RIMBP2: variants seen among roughly 807,000 people sequenced by gnomAD.
RIMBP2 encodes RIMS binding protein 2, also known as RIMS-binding protein 2.
Under a neutral mutation model 118.6 loss-of-function variants are expected in RIMBP2, and 48 were observed. That is an observed-to-expected ratio of 0.40 (90% CI 0.32 to 0.51). The LOEUF (loss-of-function observed/expected upper bound fraction) is 0.51. Ranked by LOEUF, RIMBP2 falls within the 20% of genes least tolerant of loss-of-function variation. The probability of loss-of-function intolerance (pLI) is 0.41; values close to 1 mark genes in which losing one functional copy is unlikely to be tolerated. For missense variants in RIMBP2, 1,551 were observed against 1,768.3 expected (o/e 0.88, Z 2.20); for synonymous variants, 762 against 742.9 (o/e 1.03, Z -0.42).
At chr12:130,678,328 G>A (rs939395518) in intron 1 of RIMBP2, among the ~76,000 whole-genome samples, 9 of 152,210 alleles carry the variant, frequency 5.9e-5, no homozygotes, top group South Asian at 4.1e-4. Context: ...CCAGGAGCCC[G>A]AGGCTGACAG....
intron 2 of RIMBP2, among the ~76,000 whole-genome samples, chr12:130,610,251 C>T (rs903229203): frequency 2.0e-5 from 3 of 152,094 alleles, no homozygotes; most frequent in African/African-American, 4.8e-5. Context: ...CTGCTCCTCC[C>T]GGTCCCTCCC....
intron 1 of RIMBP2, among the ~76,000 whole-genome samples, chr12:130,642,062 G>A (rs920155650): frequency 6.6e-6 from 1 of 152,120 alleles, no homozygotes; most frequent in Non-Finnish European, 1.5e-5. Context: ...CCACGTCTCT[G>A]GTGCTAAAGC....
At chr12:130,411,420 G>A (rs1000613027) in intron 19 of RIMBP2, among the ~76,000 whole-genome samples, 5 of 152,130 alleles carry the variant, frequency 3.3e-5, no homozygotes, top group African/African-American at 1.2e-4. Flanking sequence ...CGACATCCTT[G>A]TCTGTGCCTG....
At chr12:130,698,784 T>G (rs1420408625) in intron 1 of RIMBP2, among the ~76,000 whole-genome samples, 1 of 151,896 alleles carries the variant, frequency 6.6e-6, no homozygotes, top group African/African-American at 2.4e-5. Context: ...ACCATCAGAG[T>G]GAACAGGCAA....
At position 130,625,846 on chromosome 12, in the gene RIMBP2, T is replaced by C. The variant is rs543650131; in HGVS notation, c.-217+2476A>G. 2.0e-5 allele frequency among the ~76,000 whole-genome samples: 3 copies of C among 152,290 alleles called. No individual in the cohort carries two copies. The East Asian group carries it at 5.8e-4, about 29-fold the overall frequency. ...TGCTTGTGATCCCTAGGAGGACTGATTGGCTTCTGTATCCCATAGGCCAAG... is the reference window on the plus strand; with the variant it reads ...TGCTTGTGATCCCTAGGAGGACTGACTGGCTTCTGTATCCCATAGGCCAAG... On this transcript the variant is annotated intron_variant, in intron 2 of 22. Coordinates refer to ENST00000690449, the MANE Select transcript of RIMBP2 (RefSeq NM_001393629.1).
In RIMBP2 at chr12:130,438,530, G is replaced by C; in HGVS notation, c.1505-14C>G. 1 of 1,582,186 alleles carries C rather than the reference G, an allele frequency of 6.3e-7. No homozygotes were observed. Among genetic ancestry groups the C allele is most frequent in the Non-Finnish European group, 8.6e-7 (1 of 1,163,576 alleles). On this transcript the variant is annotated splice_polypyrimidine_tract_variant and intron_variant, in intron 11 of 22. Coordinates refer to ENST00000690449, the MANE Select transcript of RIMBP2 (RefSeq NM_001393629.1). Reference sequence around the variant, plus strand: ...GTGCTGGGGGTCCTGGGAGGGGACAGAAGGGAACGGAGGCGTTCAGGGACC... The same window carrying C: ...GTGCTGGGGGTCCTGGGAGGGGACACAAGGGAACGGAGGCGTTCAGGGACC...
intron 3 of RIMBP2, among the ~76,000 whole-genome samples, chr12:130,514,884 A>C (rs571928893): frequency 2.8e-5 from 4 of 144,344 alleles, no homozygotes; most frequent in Admixed American, 1.3e-4. Flanking sequence ...ATATTAAGAC[A>C]CTTTTTTTTT....
intron 1 of RIMBP2, among the ~76,000 whole-genome samples, chr12:130,639,315 G>A (rs1419584346): frequency 6.6e-6 from 1 of 151,364 alleles, no homozygotes; most frequent in African/African-American, 2.4e-5. Context: ...TTTGAACCCG[G>A]GAGGTAGAAG....
intron 4 of RIMBP2, among the ~76,000 whole-genome samples, chr12:130,480,792 G>A (rs1013408334): frequency 2.6e-5 from 4 of 152,138 alleles, no homozygotes; most frequent in African/African-American, 9.7e-5. Flanking sequence ...GTAGATACAG[G>A]GTTTTGCCAT....
intron 1 of RIMBP2, among the ~76,000 whole-genome samples, chr12:130,706,854 TC>T (rs1427603584): frequency 7.2e-5 from 11 of 152,094 alleles, no homozygotes; most frequent in Admixed American, 6.5e-4. Context: ...CCGCCAGTGG[TC>T]CCAAATGCCG....
rs1398984976 is a variant in RIMBP2 at position 130,636,579 on chromosome 12, C to G, written c.-351-8123G>C. On this transcript the variant is annotated intron_variant, in intron 1 of 22. Transcript: ENST00000690449. ...AGGTAATAACCACATAGCTCTTAGC[C>G]CAGTGTTGAGTATGTGCCAGATACT... Among the ~76,000 whole-genome samples the G allele has an allele frequency of 4.9e-4, 74 of 152,148 alleles. 1 individual carries two copies. Among genetic ancestry groups the G allele is most frequent in the Admixed American group, 4.7e-3 (72 of 15,276 alleles).
intron 2 of RIMBP2, among the ~76,000 whole-genome samples, chr12:130,594,060 C>A (rs977671066): frequency 6.6e-6 from 1 of 152,208 alleles, no homozygotes; most frequent in African/African-American, 2.4e-5. Context: ...TTTCCTTTTA[C>A]CCTCCTAACA....
intron 2 of RIMBP2, among the ~76,000 whole-genome samples, chr12:130,528,817 TGAG>T (rs948909341): frequency 2.0e-5 from 3 of 152,136 alleles, no homozygotes; most frequent in Admixed American, 6.5e-5. Flanking sequence ...GCCACACAGC[TGAG>T]GAGGTCAAAA....
intron 1 of RIMBP2, among the ~76,000 whole-genome samples, chr12:130,675,660 T>C (rs370782569): frequency 8.3e-4 from 127 of 152,318 alleles, no homozygotes; most frequent in African/African-American, 3.0e-3. Flanking sequence ...ACCAATCAGA[T>C]CGGTTTCAGC....
chr12:130,570,024 TATGAAA>T (rs1480071210), intron 2 of RIMBP2, among the ~76,000 whole-genome samples: 2 of 152,352 alleles, frequency 1.3e-5, no homozygotes, highest in Non-Finnish European at 2.9e-5. Flanking sequence ...ATCATGTTTG[TATGAAA>T]ATCACACACC....
chr12:130,499,583 A>C (rs2049535256), intron 4 of RIMBP2, among the ~76,000 whole-genome samples: 1 of 151,796 alleles, frequency 6.6e-6, no homozygotes, highest in Non-Finnish European at 1.5e-5. Context: ...TGTTCATTCT[A>C]CTCCTGCACC....
At chr12:130,405,976 A>C (rs1009696696) in intron 21 of RIMBP2, among the ~76,000 whole-genome samples, 196 bp downstream of exon 21, 2 of 152,218 alleles carry the variant, frequency 1.3e-5, no homozygotes, top group Non-Finnish European at 2.9e-5. Context: ...GAAACAATGA[A>C]GTTCACAGTC....
At position 130,473,553 on chromosome 12, in the gene RIMBP2, G is replaced by A. The variant is rs550883971; in HGVS notation, c.103-2810C>T. 3.8e-4 allele frequency among the ~76,000 whole-genome samples: 58 copies of A among 152,338 alleles called. 1 individual carries two copies. In the South Asian group the frequency reaches 0.011, roughly 29 times the overall value. Reference sequence around the variant, plus strand: ...CGTCCAGGCCCCCGGCGACTGTGACGGGACAACGGGCATTGGCTTAGATGG... The same window carrying A: ...CGTCCAGGCCCCCGGCGACTGTGACAGGACAACGGGCATTGGCTTAGATGG... On this transcript the variant is annotated intron_variant, in intron 5 of 22. Transcript: ENST00000690449.
At chr12:130,486,960 G>A (rs1038896912) in intron 4 of RIMBP2, among the ~76,000 whole-genome samples, 2 of 152,054 alleles carry the variant, frequency 1.3e-5, no homozygotes, top group Non-Finnish European at 2.9e-5. Flanking sequence ...TTGCCCCACA[G>A]CCATTCTCCT....
Sources: allele counts gnomAD v4.1 joint callset (sites outside exome capture counted in the v4.1 genomes callset), GRCh38; gene constraint gnomAD v4.1.1; transcripts MANE v1.5; gene names NCBI Gene and HGNC (gene_info 2026-07-23, HGNC 2026-07-21).